NR3C1: variants seen among roughly 807,000 people sequenced by gnomAD.
The protein encoded by NR3C1 is glucocorticoid receptor.
In NR3C1, 14 loss-of-function variants were observed where a neutral mutation model predicts 74.0. The observed-to-expected ratio is 0.19, with a 90% confidence interval of 0.12 to 0.30. NR3C1 has a LOEUF of 0.30. NR3C1 is among the 10% of genes least tolerant of loss of function. The pLI is 1.00. For synonymous variants in NR3C1, 308 were observed against 332.5 expected (o/e 0.93, Z 0.80); for missense variants, 695 against 909.8 (o/e 0.76, Z 3.04).
At chr5:143,286,574 A>T (rs1451312772) in intron 7 of NR3C1, among the ~76,000 whole-genome samples, 2 of 152,146 alleles carry the variant, frequency 1.3e-5, no homozygotes, top group East Asian at 3.8e-4. Flanking sequence ...TAATGCTGCT[A>T]TGAACATGGG....
chr5:143,416,784 A>C (rs1841491450), intron 1 of NR3C1, among the ~76,000 whole-genome samples: 1 of 152,210 alleles, frequency 6.6e-6, no homozygotes, highest in Non-Finnish European at 1.5e-5. Context: ...TGAATGTCTA[A>C]AAATAAACTT....
chr5:143,400,115 T>C lies in NR3C1; in HGVS notation c.725A>G (p.Asn242Ser), dbSNP rs201615830. The change falls in exon 2 of 9, where the codon AAT becomes AGT. Residue 242 changes from asparagine to serine, a missense_variant. By Grantham distance (46) the Asn-to-Ser change is conservative. Transcript: ENST00000394464. ...TAAAATGAGAGGCTTGCAGTCCTCA[T>C]TCGAGTTTCCTTCCAAAAGGAATGA... is the stretch of plus-strand genomic sequence containing the variant. Reference protein sequence around the residue: ...DDSFLLEGNSNEDCKPLILPD... With the variant: ...DDSFLLEGNSSEDCKPLILPD... 2.6e-5 allele frequency: 42 copies of C among 1,614,240 alleles called. No homozygotes were observed. In the East Asian group the frequency reaches 8.2e-4, roughly 32 times the overall value.
chr5:143,290,221 G>A (rs1172405083), intron 7 of NR3C1, among the ~76,000 whole-genome samples: 2 of 152,184 alleles, frequency 1.3e-5, no homozygotes, highest in Non-Finnish European at 2.9e-5. Context: ...CAATATAGGG[G>A]CCAGCAAACT....
intron 2 of NR3C1, among the ~76,000 whole-genome samples, chr5:143,358,192 C>A (rs929042276): frequency 3.3e-5 from 5 of 152,180 alleles, no homozygotes; most frequent in African/African-American, 1.2e-4. Context: ...TAAACATTTA[C>A]TATATACAGA....
intron 7 of NR3C1, among the ~76,000 whole-genome samples, chr5:143,292,594 G>C (rs1816186076): frequency 6.6e-6 from 1 of 152,128 alleles, no homozygotes; most frequent in East Asian, 1.9e-4. Flanking sequence ...TTCACCATAA[G>C]AACCTTGTGG....
At chr5:143,412,378 A>G (rs749036996) in intron 1 of NR3C1, among the ~76,000 whole-genome samples, 2 of 152,070 alleles carry the variant, frequency 1.3e-5, no homozygotes, top group Non-Finnish European at 2.9e-5. Context: ...TGGAGGGGTT[A>G]TTTGTTCATC....
At position 143,298,833 on chromosome 5, in the gene NR3C1, G is replaced by A. The variant is rs772722478; in HGVS notation, c.1748-21C>T. ...GAAACCTGAATTAAGAGAAATAAAG[G>A]TATGAGGCAACACTCTTCAGAAGAT... On this transcript the variant is annotated intron_variant, in intron 5 of 8. Transcript: ENST00000394464. 16 of 1,609,404 alleles carry A rather than the reference G, an allele frequency of 9.9e-6. No individual in the cohort carries two copies. In the African/African-American group the frequency reaches 1.9e-4, roughly 19 times the overall value.
At chr5:143,397,046 G>C (rs1435208036) in intron 2 of NR3C1, among the ~76,000 whole-genome samples, 1 of 151,686 alleles carries the variant, frequency 6.6e-6, no homozygotes, top group Non-Finnish European at 1.5e-5. Flanking sequence ...TACTATAAAT[G>C]AACTTAGAAA....
At chr5:143,419,487 A>G (rs1250715814) in intron 1 of NR3C1, among the ~76,000 whole-genome samples, 1 of 152,172 alleles carries the variant, frequency 6.6e-6, no homozygotes, top group African/African-American at 2.4e-5. Flanking sequence ...AGCGTCAGCC[A>G]GTTTGAGAAA....
intron 2 of NR3C1, among the ~76,000 whole-genome samples, chr5:143,377,118 T>C (rs140042904): frequency 6.8e-4 from 104 of 152,340 alleles, no homozygotes; most frequent in African/African-American, 2.2e-3. Flanking sequence ...ATTTGTTAAA[T>C]AGAAATACCC....
chr5:143,393,448 T>C (rs977521717), intron 2 of NR3C1, among the ~76,000 whole-genome samples: 6 of 152,138 alleles, frequency 3.9e-5, no homozygotes, highest in Non-Finnish European at 8.8e-5. Context: ...CTGTCTCCCT[T>C]AGCATTAGAA....
At chr5:143,412,835 C>T (rs1377796292) in intron 1 of NR3C1, among the ~76,000 whole-genome samples, 2 of 152,198 alleles carry the variant, frequency 1.3e-5, no homozygotes, top group Non-Finnish European at 2.9e-5. Flanking sequence ...AGATTCTCAG[C>T]TATACAGCTA....
Position 143,281,677 on chromosome 5 carries a change from T to A in NR3C1, c.*212A>T. ...TTAACTAATAAATTTCACCATCTACTCTCCCATCACTGAAAAGTGATGACG... is the reference window on the plus strand; with the variant it reads ...TTAACTAATAAATTTCACCATCTACACTCCCATCACTGAAAAGTGATGACG... On this transcript the variant is annotated 3_prime_UTR_variant, in exon 9 of 9. Transcript: ENST00000394464. The A allele has an allele frequency of 1.8e-6, 1 of 542,714 alleles. No individual in the cohort carries two copies. The highest frequency in any genetic ancestry group is 3.3e-6 in the Non-Finnish European group (1 of 303,670). 33.6% of individuals were successfully genotyped at this position (542,714 alleles called of 1,614,324 possible).
chr5:143,281,491 C>T lies in NR3C1; in HGVS notation c.*398G>A. Reference sequence around the variant, plus strand: ...ATCCTAACTATACAGGGGGGGGATACACCAACAGAAAGTCTAGAAAATTTC... The same window carrying T: ...ATCCTAACTATACAGGGGGGGGATATACCAACAGAAAGTCTAGAAAATTTC... On this transcript the variant is annotated 3_prime_UTR_variant, in exon 9 of 9. Transcript: ENST00000394464. 1 of 233,902 alleles carries T rather than the reference C, an allele frequency of 4.3e-6. No individual in the cohort carries two copies. Among genetic ancestry groups the T allele is most frequent in the Non-Finnish European group, 8.5e-6 (1 of 117,422 alleles). 14.5% of individuals were successfully genotyped at this position (233,902 alleles called of 1,614,324 possible).
At chr5:143,350,584 A>C (rs1300870277) in intron 2 of NR3C1, among the ~76,000 whole-genome samples, 1 of 152,178 alleles carries the variant, frequency 6.6e-6, no homozygotes, top group African/African-American at 2.4e-5. Flanking sequence ...AAAGATACCC[A>C]GTTAGATAGT....
chr5:143,328,943 G>A (rs1041226553), intron 2 of NR3C1, among the ~76,000 whole-genome samples: 2 of 152,094 alleles, frequency 1.3e-5, no homozygotes, highest in African/African-American at 4.8e-5. Context: ...GTTTTCTTCT[G>A]AGCCCTCCAA....
intron 1 of NR3C1, among the ~76,000 whole-genome samples, chr5:143,411,464 A>T (rs557936249): frequency 1.3e-5 from 2 of 152,304 alleles, no homozygotes; most frequent in South Asian, 4.1e-4. Context: ...TCATTAATGT[A>T]AAAATATCAA....
intron 7 of NR3C1, among the ~76,000 whole-genome samples, chr5:143,293,079 T>G (rs1816314593): frequency 6.6e-6 from 1 of 152,240 alleles, no homozygotes; most frequent in African/African-American, 2.4e-5. Flanking sequence ...CAACTGCATT[T>G]ATATTTCCAT....
chr5:143,347,293 A>C (rs1829462750), intron 2 of NR3C1, among the ~76,000 whole-genome samples: 1 of 152,202 alleles, frequency 6.6e-6, no homozygotes, highest in South Asian at 2.1e-4. Context: ...AATATTTGTA[A>C]GAACTGAAAT....
Sources: gnomAD v4.1 joint callset for allele counts (sites outside exome capture counted in the v4.1 genomes callset) on GRCh38, gnomAD v4.1.1 for gene constraint, MANE v1.5 for transcripts, NCBI Gene and HGNC (gene_info 2026-07-23, HGNC 2026-07-21) for gene names.